CCSER1: variants seen among roughly 807,000 people sequenced by gnomAD.
CCSER1 encodes serine-rich coiled-coil domain-containing protein 1.
In CCSER1, 41 loss-of-function variants were observed where a neutral mutation model predicts 82.0. The ratio of observed to expected loss-of-function variants is 0.50; its 90% CI spans 0.39 to 0.65. The LOEUF (loss-of-function observed/expected upper bound fraction) is 0.65, where lower values mean the gene tolerates loss of function less well. CCSER1 is among the 30% of genes least tolerant of loss of function. The pLI, the probability that CCSER1 is intolerant of heterozygous loss-of-function variation, is 0.00. For synonymous variants in CCSER1, 414 were observed against 383.9 expected, an observed-to-expected ratio of 1.08 and a Z score of -0.92; for missense variants, 1,119 against 1,064.2, an observed-to-expected ratio of 1.05 and a Z score of -0.72.
In CCSER1 at chr4:90,515,326, C is replaced by G. The variant is rs190936943; in HGVS notation, c.1724+46972C>G. On this transcript the variant is annotated intron_variant, in intron 5 of 10. Transcript: ENST00000509176. ...GCAGTCAGTTTCCACTTCATAAATA[C>G]TGTCTTGCCTAGCTTGTGATGGTTC... Among the ~76,000 whole-genome samples, 3 of 152,304 alleles carry G rather than the reference C, an allele frequency of 2.0e-5. No homozygotes were observed. The East Asian group carries it at 5.8e-4, about 29-fold the overall frequency.
chr4:90,246,858 A>G (rs764796539), intron 1 of CCSER1, among the ~76,000 whole-genome samples: 80 of 152,126 alleles, frequency 5.3e-4, no homozygotes, highest in Admixed American at 9.2e-4. Context: ...TAACCTCACT[A>G]TAGGGTTTTT....
intron 1 of CCSER1, among the ~76,000 whole-genome samples, chr4:90,191,008 A>G (rs1487967513): frequency 1.3e-5 from 2 of 151,822 alleles, no homozygotes; most frequent in Non-Finnish European, 2.9e-5. Flanking sequence ...AAAACAATCT[A>G]ATGACAATTT....
rs1765442952 is a variant in CCSER1, at chr4:90,864,118, G to A, written c.2094+48273G>A. On this transcript the variant is annotated intron_variant, in intron 8 of 10. Transcript: ENST00000509176. ...GCTCACTAATGTTTTCATGGGCTAGGATCCTCCCATATTTTCCATGAACTG... is the reference window on the plus strand; with the variant it reads ...GCTCACTAATGTTTTCATGGGCTAGAATCCTCCCATATTTTCCATGAACTG... Among the ~76,000 whole-genome samples the A allele has an allele frequency of 4.0e-5, 6 of 151,418 alleles. No homozygotes were observed. The South Asian group carries it at 1.2e-3, about 32-fold the overall frequency.
chr4:91,428,358 G>A (rs1244256643), intron 10 of CCSER1, among the ~76,000 whole-genome samples: 1 of 151,980 alleles, frequency 6.6e-6, no homozygotes, highest in Non-Finnish European at 1.5e-5. Context: ...ACTTTTTATG[G>A]ACAACATTTA....
intron 4 of CCSER1, among the ~76,000 whole-genome samples, chr4:90,464,284 G>T (rs1763335083): frequency 6.6e-6 from 1 of 152,158 alleles, no homozygotes; most frequent in South Asian, 2.1e-4. Flanking sequence ...AAATAAATAA[G>T]ACTAGTGCTT....
intron 10 of CCSER1, among the ~76,000 whole-genome samples, chr4:91,335,397 C>T (rs1228551984): frequency 6.6e-6 from 1 of 151,914 alleles, no homozygotes; most frequent in East Asian, 1.9e-4. Flanking sequence ...GAGAAAACAG[C>T]GGGAAGGGTG....
At chr4:90,738,654 C>T (rs1746046899) in intron 7 of CCSER1, among the ~76,000 whole-genome samples, 1 of 152,112 alleles carries the variant, frequency 6.6e-6, no homozygotes, top group South Asian at 2.1e-4. Flanking sequence ...TGTGTTCACT[C>T]AAGACCAAAG....
intron 10 of CCSER1, among the ~76,000 whole-genome samples, chr4:91,404,547 C>T (rs1003440932): frequency 6.6e-6 from 1 of 152,066 alleles, no homozygotes; most frequent in Non-Finnish European, 1.5e-5. Context: ...TATAAATTTC[C>T]CTCTACACAC....
intron 1 of CCSER1, among the ~76,000 whole-genome samples, chr4:90,291,544 A>G (rs1730950596): frequency 6.6e-6 from 1 of 152,010 alleles, no homozygotes; most frequent in African/African-American, 2.4e-5. Flanking sequence ...TATAAACCCA[A>G]TATAGTTTAG....
At chr4:91,379,452 G>A (rs967236433) in intron 10 of CCSER1, among the ~76,000 whole-genome samples, 1 of 152,102 alleles carries the variant, frequency 6.6e-6, no homozygotes, top group Non-Finnish European at 1.5e-5. Context: ...TCTATTCAGG[G>A]ATTCAACTTC....
intron 9 of CCSER1, among the ~76,000 whole-genome samples, chr4:90,972,566 A>G (rs1159262056): frequency 6.6e-6 from 1 of 151,772 alleles, no homozygotes. Context: ...ATGGATTGGA[A>G]AAAATAATAT....
intron 7 of CCSER1, among the ~76,000 whole-genome samples, chr4:90,735,999 G>T (rs1250497630): frequency 6.6e-6 from 1 of 151,972 alleles, no homozygotes; most frequent in Non-Finnish European, 1.5e-5. Context: ...TTAATTCCAT[G>T]AATTTGTACA....
chr4:91,122,543 A>C (rs146064491), intron 10 of CCSER1, among the ~76,000 whole-genome samples: 18 of 151,876 alleles, frequency 1.2e-4, no homozygotes, highest in African/African-American at 3.9e-4. Context: ...TTTTAAAATG[A>C]TGCAAACAAC....
chr4:90,294,022 T>A (rs903701962), intron 1 of CCSER1, among the ~76,000 whole-genome samples: 5 of 152,106 alleles, frequency 3.3e-5, no homozygotes, highest in African/African-American at 9.7e-5. Flanking sequence ...GTCTTATGGC[T>A]CACTGCCATT....
intron 1 of CCSER1, among the ~76,000 whole-genome samples, chr4:90,240,211 A>G (rs1746581692): frequency 6.6e-6 from 1 of 152,142 alleles, no homozygotes; most frequent in Admixed American, 6.5e-5. Flanking sequence ...TTCAGAGGAC[A>G]TGAGCACCCT....
chr4:91,360,449 C>T lies in CCSER1; in HGVS notation c.2218-238123C>T, dbSNP rs4693273. On this transcript the variant is annotated intron_variant, in intron 10 of 10. Transcript: ENST00000509176. ...CAAAAAAAAATTGGGGTCCATACAA[C>T]TGTACAAGAAAAAATCTGAGTACAT... 1.9e-3 allele frequency among the ~76,000 whole-genome samples: 291 copies of T among 151,904 alleles called. 10 individuals are homozygous for T. Among genetic ancestry groups the T allele is most frequent in the Admixed American group, 5.7e-3 (87 of 15,216 alleles).
intron 10 of CCSER1, among the ~76,000 whole-genome samples, chr4:91,522,648 A>G (rs921337933): frequency 2.0e-5 from 3 of 152,118 alleles, no homozygotes; most frequent in Admixed American, 6.5e-5. Flanking sequence ...GTGAATGGGA[A>G]TGCACTCATG....
intron 10 of CCSER1, among the ~76,000 whole-genome samples, chr4:91,540,195 T>A (rs572027332): frequency 6.6e-6 from 1 of 152,120 alleles, no homozygotes; most frequent in East Asian, 1.9e-4. Flanking sequence ...CACATCACAG[T>A]GGTACATTTG....
intron 10 of CCSER1, among the ~76,000 whole-genome samples, chr4:91,549,919 TTGC>T (rs1025674430): frequency 2.7e-5 from 4 of 146,896 alleles, no homozygotes; most frequent in East Asian, 2.0e-4. Flanking sequence ...TGTTTTGTCA[TTGC>T]TGCTTTTTTT....
Sources: allele counts gnomAD v4.1 joint callset (sites outside exome capture counted in the v4.1 genomes callset), GRCh38; gene constraint gnomAD v4.1.1; transcripts MANE v1.5; gene names NCBI Gene and HGNC (gene_info 2026-07-23, HGNC 2026-07-21).